The following GBP7 variants were observed in gnomAD, a reference collection of about 807,000 sequenced individuals.
The protein encoded by GBP7 is guanylate binding protein 7, also known as guanylate-binding protein 7.
A neutral mutation model predicts 61.3 loss-of-function variants in GBP7; 43 were observed. The observed-to-expected ratio is 0.70, with a 90% CI of 0.55 to 0.91. The LOEUF (loss-of-function observed/expected upper bound fraction) is 0.91. Among genes scored for constraint, GBP7 ranks in the 40% least tolerant of loss-of-function variants. The probability of loss-of-function intolerance (pLI) is 0.00; values close to 1 mark genes in which losing one functional copy is unlikely to be tolerated. For missense variants in GBP7, 717 were observed against 740.5 expected, an observed-to-expected ratio of 0.97 and a Z score of 0.37; for synonymous variants, 267 against 271.0, an observed-to-expected ratio of 0.99 and a Z score of 0.14.
At chr1:89,147,463 AT>A (rs1310321538) in intron 8 of GBP7, 103 bp downstream of exon 8, 1 of 840,814 alleles carries the variant, frequency 1.2e-6, no homozygotes, top group African/African-American at 1.7e-5. Context: ...CCATGCTTCA[AT>A]TTTTGTCGAT....
At chr1:89,137,127 G>A (rs1681825035) in intron 9 of GBP7, among the ~76,000 whole-genome samples, 1 of 151,910 alleles carries the variant, frequency 6.6e-6, no homozygotes, top group South Asian at 2.1e-4. Context: ...ACCTGGAACA[G>A]ACTAATAACA....
At chr1:89,148,273 A>G (rs1332039445) in intron 7 of GBP7, among the ~76,000 whole-genome samples, 1 of 152,214 alleles carries the variant, frequency 6.6e-6, no homozygotes, top group African/African-American at 2.4e-5. Context: ...GGGTTTTCTC[A>G]ATATGTACTA....
At position 89,152,319 on chromosome 1, in the gene GBP7, G is replaced by A. The variant is rs143254761; in HGVS notation, c.574C>T (p.His192Tyr). ...DFTLELKLDG[H>Y]PITEDEYLEN... ...AGGTACTCATCTTCTGTGATGGGGT[G>A]TCCATCTAACTTCAGCTCCAGGGTA... The change falls in exon 5 of 11, where the codon CAC (histidine) becomes TAC (tyrosine). Residue 192 changes from histidine to tyrosine, a missense_variant. Coordinates refer to ENST00000294671, the MANE Select transcript of GBP7 (RefSeq NM_207398.3). The A allele has an allele frequency of 1.1e-5, 18 of 1,613,994 alleles. No individual in the cohort carries two copies. Among genetic ancestry groups the A allele is most frequent in the African/African-American group, 8.0e-5 (6 of 74,898 alleles).
At chr1:89,165,538 A>C (rs906416854) in intron 2 of GBP7, among the ~76,000 whole-genome samples, 1 of 151,894 alleles carries the variant, frequency 6.6e-6, no homozygotes, top group Non-Finnish European at 1.5e-5. Flanking sequence ...GAAGTGATTA[A>C]GTCATGAAGG....
intron 3 of GBP7, among the ~76,000 whole-genome samples, chr1:89,163,412 T>A (rs1647328852): frequency 6.6e-6 from 1 of 151,052 alleles, no homozygotes; most frequent in Admixed American, 6.6e-5. Context: ...TTTTTTTTGG[T>A]AGGTGGGCTA....
intron 9 of GBP7, among the ~76,000 whole-genome samples, chr1:89,137,181 A>G (rs1049789820): frequency 1.5e-4 from 23 of 152,058 alleles, no homozygotes; most frequent in Non-Finnish European, 3.2e-4. Flanking sequence ...CCAAGCAGAA[A>G]AAGCCCTAGA....
At chr1:89,146,329 A>G (rs1682063471) in intron 8 of GBP7, among the ~76,000 whole-genome samples, 2 of 152,228 alleles carry the variant, frequency 1.3e-5, no homozygotes, top group African/African-American at 4.8e-5. Flanking sequence ...AAAACTCCTA[A>G]GAGAAAACCC....
rs1681687121 is a variant in GBP7 at position 89,131,973 on chromosome 1, T to C, written c.*176A>G. ...GGAATAATTTTATCTTCTAACTTGT[T>C]CCCCATTTCTATTAATTATTACTTT... On this transcript the variant is annotated 3_prime_UTR_variant, in exon 11 of 11. Coordinates refer to ENST00000294671, the MANE Select transcript of GBP7 (RefSeq NM_207398.3). 2.1e-6 allele frequency: 1 copy of C among 472,330 alleles called. No individual in the cohort carries two copies. Among genetic ancestry groups the C allele is most frequent in the Non-Finnish European group, 3.7e-6 (1 of 271,402 alleles). The allele number at this position is 472,330 out of a possible 1,614,324, so 29.3% of individuals were successfully genotyped here. A position where few individuals can be genotyped will look rare whatever the true frequency, so the allele number is the denominator to read the frequency against.
intron 2 of GBP7, among the ~76,000 whole-genome samples, chr1:89,169,455 C>G (rs11804698): frequency 6.6e-6 from 1 of 152,070 alleles, no homozygotes; most frequent in African/African-American, 2.4e-5. Context: ...ATAACTGGAA[C>G]GACTAGAGGA....
chr1:89,168,971 AGT>A (rs1334936447), intron 2 of GBP7, among the ~76,000 whole-genome samples: 77 of 71,832 alleles, frequency 1.1e-3, no homozygotes, highest in African/African-American at 4.3e-3. Flanking sequence ...CTCCGCCTCA[AGT>A]TAAAAAAAAA....
At chr1:89,157,421 G>A (rs1275517433) in intron 3 of GBP7, among the ~76,000 whole-genome samples, 2 of 152,068 alleles carry the variant, frequency 1.3e-5, no homozygotes, top group Non-Finnish European at 2.9e-5. Context: ...CAAGGAGCTG[G>A]TTTTTGGAAA....
At chr1:89,172,580 A>G (rs528983442) in intron 1 of GBP7, among the ~76,000 whole-genome samples, 2 of 152,064 alleles carry the variant, frequency 1.3e-5, no homozygotes, top group East Asian at 1.9e-4. Flanking sequence ...AGTGTCTTGT[A>G]TTAAGGGATT....
At chr1:89,148,822 T>C (rs531169351) in intron 7 of GBP7, among the ~76,000 whole-genome samples, 2 of 152,320 alleles carry the variant, frequency 1.3e-5, no homozygotes, top group East Asian at 3.9e-4. Context: ...AAGTGCTTCT[T>C]TATTTTACCT....
At chr1:89,172,854 T>C (rs1002413680) in intron 1 of GBP7, among the ~76,000 whole-genome samples, 7 of 152,154 alleles carry the variant, frequency 4.6e-5, no homozygotes, top group African/African-American at 1.7e-4. Context: ...TCATTCTTTC[T>C]ATATTAACTG....
intron 7 of GBP7, 145 bp downstream of exon 7, chr1:89,149,147 C>T: frequency 1.7e-6 from 1 of 603,056 alleles, no homozygotes; most frequent in Non-Finnish European, 2.6e-6. Context: ...AAATAAAAAA[C>T]TGTAGCCCAT....
intron 1 of GBP7, among the ~76,000 whole-genome samples, chr1:89,173,937 TGTTA>T (rs2100664798): frequency 6.6e-6 from 1 of 152,324 alleles, no homozygotes; most frequent in Admixed American, 6.5e-5. Context: ...TACCCAATCT[TGTTA>T]GTTTCTGGTT....
intron 2 of GBP7, among the ~76,000 whole-genome samples, chr1:89,171,530 C>A (rs916398288): frequency 6.6e-5 from 10 of 150,866 alleles, no homozygotes; most frequent in African/African-American, 2.4e-4. Context: ...TTATTAATAC[C>A]TTATTTATAT....
chr1:89,144,791 A>G (rs1424117923), intron 8 of GBP7, among the ~76,000 whole-genome samples: 2 of 152,094 alleles, frequency 1.3e-5, no homozygotes, highest in African/African-American at 2.4e-5. Context: ...AGTATAAAGT[A>G]CATTGTTTTA....
At chr1:89,134,992 T>A (rs72961453) in intron 9 of GBP7, among the ~76,000 whole-genome samples, 3,057 of 152,284 alleles carry the variant, frequency 0.02, 109 homozygotes, top group African/African-American at 0.069. Flanking sequence ...ATAGCCATTT[T>A]AAAAAAGAGC....
Sources: allele counts gnomAD v4.1 joint callset (sites outside exome capture counted in the v4.1 genomes callset), GRCh38; gene constraint gnomAD v4.1.1; transcripts MANE v1.5; gene names NCBI Gene and HGNC (gene_info 2026-07-23, HGNC 2026-07-21).